MTMR12: variants seen among roughly 807,000 people sequenced by gnomAD.
MTMR12 encodes myotubularin related protein 12.
Under a neutral mutation model 96.7 loss-of-function variants are expected in MTMR12, and 33 were observed. That is an observed-to-expected ratio of 0.34 (90% CI 0.26 to 0.46). The LOEUF is 0.46. Ranked by LOEUF, MTMR12 falls within the 20% of genes least tolerant of loss-of-function variation. The pLI is 1.00. For missense variants in MTMR12, 721 were observed against 896.1 expected (o/e 0.80, Z 2.49); for synonymous variants, 298 against 327.2 (o/e 0.91, Z 0.96).
Position 32,233,677 on chromosome 5 carries a change from A to G in MTMR12, c.1674+96T>C, listed in dbSNP as rs546592091. 1.1e-4 allele frequency: 174 copies of G among 1,533,550 alleles called. No homozygotes were observed. The South Asian group carries it at 1.8e-3, about 16-fold the overall frequency. The allele number at this position is 1,533,550 out of a possible 1,614,324, so 95.0% of individuals were successfully genotyped here. On this transcript the variant is annotated intron_variant, in intron 15 of 15. Coordinates refer to ENST00000382142, the MANE Select transcript of MTMR12 (RefSeq NM_001040446.3). This position sits in a 1 kb window ranked among gnomAD's most constrained non-coding sequence, Gnocchi z 5.0. Reference sequence around the variant, plus strand: ...AACTCTGCAGACTGCTTCGAGGGGTAGAAAATGCTGGCAGACAGAATCCGT... The same window carrying G: ...AACTCTGCAGACTGCTTCGAGGGGTGGAAAATGCTGGCAGACAGAATCCGT...
intron 1 of MTMR12, among the ~76,000 whole-genome samples, chr5:32,292,725 C>T (rs1750779215): frequency 6.6e-6 from 1 of 151,224 alleles, no homozygotes; most frequent in Admixed American, 6.6e-5. Flanking sequence ...GGTCCAGACC[C>T]CTCAGGAATA....
intron 9 of MTMR12, 135 bp from the exon 10 acceptor site, chr5:32,248,261 G>T: frequency 3.1e-6 from 3 of 980,434 alleles, no homozygotes; most frequent in Non-Finnish European, 3.0e-6. Flanking sequence ...GGCAATTGCT[G>T]CAGGACTCCT....
intron 10 of MTMR12, chr5:32,247,771 G>A: frequency 1.0e-6 from 1 of 985,376 alleles, no homozygotes; most frequent in Non-Finnish European, 1.2e-6. Flanking sequence ...GAGAAGAGGA[G>A]GGTGGCCGTG....
Position 32,229,376 on chromosome 5 carries a change from C to T in MTMR12, c.*402G>A, listed in dbSNP as rs1747898496. On this transcript the variant is annotated 3_prime_UTR_variant, in exon 16 of 16. Coordinates refer to ENST00000382142, the MANE Select transcript of MTMR12 (RefSeq NM_001040446.3). ...GCTTCTATAATTGAGATGGGTTACA[C>T]AGAAACTTACTATTCCCAATGACTG... The T allele has an allele frequency of 6.2e-6, 1 of 160,342 alleles. No individual in the cohort carries two copies. The highest frequency in any genetic ancestry group is 2.4e-5 in the African/African-American group (1 of 41,760). The allele number at this position is 160,342 out of a possible 1,614,324, so 9.9% of individuals were successfully genotyped here.
intron 4 of MTMR12, 143 bp from the exon 5 acceptor site, chr5:32,271,090 C>G: frequency 1.0e-6 from 1 of 966,244 alleles, no homozygotes; most frequent in African/African-American, 1.7e-5. Context: ...TAAGTGACTG[C>G]CAAAGGAAGC....
intron 1 of MTMR12, among the ~76,000 whole-genome samples, chr5:32,302,281 G>C (rs1751182687): frequency 6.6e-6 from 1 of 152,250 alleles, no homozygotes; most frequent in African/African-American, 2.4e-5. Flanking sequence ...TTGAAATAAA[G>C]AGAGTATTAG....
intron 10 of MTMR12, among the ~76,000 whole-genome samples, chr5:32,246,169 A>AGTTTTTTTGTTTTT (rs1554056237): frequency 9.2e-5 from 12 of 130,828 alleles, no homozygotes; most frequent in Non-Finnish European, 1.6e-4. Context: ...TTGAGTAGAC[A>AGTTTTTTTGTTTTT]GTTTTTTTTT....
chr5:32,258,345 C>A (rs114967945), intron 7 of MTMR12, among the ~76,000 whole-genome samples: 3,333 of 152,210 alleles, frequency 0.022, 126 homozygotes, highest in African/African-American at 0.077. Flanking sequence ...ATCCCTTTTT[C>A]AGGTGTAGTC....
chr5:32,236,328 G>A (rs185768475), intron 13 of MTMR12, among the ~76,000 whole-genome samples: 27 of 152,106 alleles, frequency 1.8e-4, no homozygotes, highest in South Asian at 1.0e-3. Context: ...CAGATGGATC[G>A]CCTGAGCCCG....
At chr5:32,289,048 A>G (rs1380229887) in intron 1 of MTMR12, among the ~76,000 whole-genome samples, 3 of 152,224 alleles carry the variant, frequency 2.0e-5, no homozygotes, top group African/African-American at 7.2e-5. Flanking sequence ...ACAAAATTTA[A>G]ATACAATGGG....
intron 8 of MTMR12, among the ~76,000 whole-genome samples, chr5:32,252,453 T>C (rs780200763): frequency 6.6e-6 from 1 of 152,252 alleles, no homozygotes; most frequent in Non-Finnish European, 1.5e-5. Context: ...TAGCTTCCTA[T>C]GCACCTACTG....
At chr5:32,293,619 T>G (rs1750821987) in intron 1 of MTMR12, among the ~76,000 whole-genome samples, 1 of 152,156 alleles carries the variant, frequency 6.6e-6, no homozygotes. Flanking sequence ...AGGCTAACAC[T>G]CACTTTCTCG....
chr5:32,300,037 G>A (rs768662563), intron 1 of MTMR12, among the ~76,000 whole-genome samples: 10 of 152,172 alleles, frequency 6.6e-5, no homozygotes, highest in Non-Finnish European at 1.5e-4. Flanking sequence ...CTCATAAGTA[G>A]GCAGCTCCGA....
intron 1 of MTMR12, among the ~76,000 whole-genome samples, chr5:32,310,811 G>A (rs1456090192): frequency 3.3e-5 from 5 of 151,796 alleles, no homozygotes; most frequent in Non-Finnish European, 7.4e-5. Context: ...CACAAAGGAA[G>A]GATAAATGCT....
intron 7 of MTMR12, among the ~76,000 whole-genome samples, chr5:32,257,572 C>T (rs1363936905): frequency 6.6e-6 from 1 of 152,042 alleles, no homozygotes; most frequent in Admixed American, 6.6e-5. Flanking sequence ...AGTTTGAGAC[C>T]AGTCTGGCCA....
chr5:32,239,617 C>T (rs1748387326), intron 12 of MTMR12, among the ~76,000 whole-genome samples: 1 of 152,240 alleles, frequency 6.6e-6, no homozygotes, highest in East Asian at 1.9e-4. Context: ...GCCTCCGTCA[C>T]TGAACTCACT....
At chr5:32,274,734 A>G (rs1367107053) in intron 2 of MTMR12, among the ~76,000 whole-genome samples, 2 of 152,144 alleles carry the variant, frequency 1.3e-5, no homozygotes, top group Admixed American at 6.6e-5. Context: ...GTTTGTGGGG[A>G]AAAAACGTGT....
At position 32,260,842 on chromosome 5, in the gene MTMR12, T is replaced by C. The variant is rs796216869; in HGVS notation, c.713+2271A>G. ...CATGATACAAAGAGCTCTACAAAAATACAAAGTTGTATGAATCTGTTAGCA... is the reference window on the plus strand; with the variant it reads ...CATGATACAAAGAGCTCTACAAAAACACAAAGTTGTATGAATCTGTTAGCA... On this transcript the variant is annotated intron_variant, in intron 7 of 15. Coordinates refer to ENST00000382142, the MANE Select transcript of MTMR12 (RefSeq NM_001040446.3). Among the ~76,000 whole-genome samples, 25 of 151,796 alleles carry C rather than the reference T, an allele frequency of 1.6e-4. 1 individual carries two copies. The highest frequency in any genetic ancestry group is 5.8e-4 in the African/African-American group (24 of 41,430).
chr5:32,251,273 C>T (rs551136486), intron 8 of MTMR12, among the ~76,000 whole-genome samples: 37 of 151,980 alleles, frequency 2.4e-4, no homozygotes, highest in African/African-American at 7.7e-4. Context: ...CCTCGTGATC[C>T]GCCCGCCTCG....
Sources: allele counts gnomAD v4.1 joint callset (sites outside exome capture counted in the v4.1 genomes callset), GRCh38; gene constraint gnomAD v4.1.1; non-coding constraint Gnocchi (gnomAD v3.1); transcripts MANE v1.5; gene names NCBI Gene and HGNC (gene_info 2026-07-23, HGNC 2026-07-21).